Variants in PRH1 observed in about 807,000 individuals in gnomAD.
PRH1 encodes salivary acidic proline-rich phosphoprotein 1/2.
PRH1 carries 7 observed loss-of-function variants against 7.9 expected under a neutral mutation model. The observed-to-expected ratio is 0.89, with a 90% confidence interval of 0.50 to 1.67. PRH1 has a LOEUF of 1.67. PRH1 is among the 40% of genes most tolerant of loss of function. The probability of loss-of-function intolerance (pLI) is 0.00; values close to 1 mark genes in which losing one functional copy is unlikely to be tolerated. For missense variants in PRH1, 109 were observed against 223.6 expected (o/e 0.49, Z 3.27); for synonymous variants, 45 against 80.8 (o/e 0.56, Z 2.38).
intron 1 of PRH1, among the ~76,000 whole-genome samples, chr12:11,140,425 T>C (rs1350007490): frequency 1.3e-5 from 2 of 152,166 alleles, no homozygotes; most frequent in Non-Finnish European, 2.9e-5. Flanking sequence ...CTAATATCAC[T>C]GGTCAAGATT....
intron 2 of PRH1, chr12:10,938,996 AAC>A: frequency 1.9e-6 from 3 of 1,613,554 alleles, no homozygotes; most frequent in South Asian, 1.1e-5. Context: ...AGCTGGGAAA[AAC>A]ACAGACACAC....
intron 1 of PRH1, among the ~76,000 whole-genome samples, chr12:11,038,060 T>C (rs1294595812): frequency 1.3e-5 from 2 of 152,280 alleles, no homozygotes; most frequent in Admixed American, 1.3e-4. Context: ...AAAAGAAAAG[T>C]TTTAAATTTT....
chr12:11,032,862 A>T (rs115296221), intron 1 of PRH1, among the ~76,000 whole-genome samples: 3,966 of 152,234 alleles, frequency 0.026, 167 homozygotes, highest in African/African-American at 0.089. Context: ...ATAAACAGAA[A>T]ATTACTACAG....
intron 1 of PRH1, among the ~76,000 whole-genome samples, chr12:11,057,568 T>C (rs1037144319): frequency 3.3e-5 from 5 of 152,234 alleles, no homozygotes; most frequent in African/African-American, 1.2e-4. Context: ...GGAATGGAAC[T>C]GGTCACTGCC....
intron 3 of PRH1, 146 bp downstream of exon 3, chr12:10,882,071 T>C: frequency 6.8e-7 from 1 of 1,467,380 alleles, no homozygotes; most frequent in Non-Finnish European, 9.1e-7. Flanking sequence ...CTTGATACTC[T>C]ATACAAGAAT....
At chr12:11,100,575 T>C (rs1423146419) in intron 1 of PRH1, among the ~76,000 whole-genome samples, 2 of 152,232 alleles carry the variant, frequency 1.3e-5, no homozygotes, top group Admixed American at 1.3e-4. Context: ...AAGCTGTTTT[T>C]ATTAGCAGAA....
chr12:11,058,614 C>G (rs1943462486), intron 1 of PRH1, among the ~76,000 whole-genome samples: 1 of 152,294 alleles, frequency 6.6e-6, no homozygotes, highest in South Asian at 2.1e-4. Flanking sequence ...GAGGGCTCTA[C>G]AGCAGATATA....
intron 1 of PRH1, among the ~76,000 whole-genome samples, chr12:11,023,530 C>CA (rs1356684358): frequency 1.3e-5 from 2 of 152,166 alleles, no homozygotes; most frequent in Admixed American, 6.5e-5. Flanking sequence ...AGTACCCTCC[C>CA]ACCTCAGGCA....
chr12:11,105,569 A>C lies in PRH1; in HGVS notation n.124-58381T>G, dbSNP rs375296042. ...ACACAACGTCCTTGCTGTAAGATAA[A>C]ATTTTCCATATTGGTGTTGAAGTGA... On this transcript the variant is annotated intron_variant and non_coding_transcript_variant, in intron 1 of 4. Transcript: ENST00000541977. Among the ~76,000 whole-genome samples, 36 of 152,280 alleles carry C rather than the reference A, an allele frequency of 2.4e-4. No homozygotes were observed. The East Asian group carries it at 5.0e-3, about 21-fold the overall frequency.
Position 11,079,307 on chromosome 12 carries a change from G to A in PRH1, n.124-32119C>T, listed in dbSNP as rs149414961. 4.4e-5 allele frequency: 5 copies of A among 114,670 alleles called. 1 individual carries two copies. The highest frequency in any genetic ancestry group is 1.8e-4 in the Admixed American group (2 of 11,296). The allele number at this position is 114,670 out of a possible 1,614,324, so 7.1% of individuals were successfully genotyped here. A position where few individuals can be genotyped will look rare whatever the true frequency, so the allele number is the denominator to read the frequency against. On this transcript the variant is annotated intron_variant and non_coding_transcript_variant, in intron 1 of 4. Coordinates refer to the PRH1 transcript ENST00000541977. ...TAGTAGACTTTACGCAGAGATTTAA[G>A]ACGGCTTCCATACTGGAGTTTCTTG... is the stretch of plus-strand genomic sequence containing the variant.
intron 1 of PRH1, among the ~76,000 whole-genome samples, chr12:10,992,606 T>A (rs1054303896): frequency 2.6e-5 from 4 of 152,028 alleles, no homozygotes; most frequent in African/African-American, 9.7e-5. Flanking sequence ...ACAAACAGGG[T>A]CTTGCTGTCT....
intron 1 of PRH1, among the ~76,000 whole-genome samples, chr12:11,063,399 C>T (rs889854426): frequency 6.6e-6 from 1 of 151,994 alleles, no homozygotes; most frequent in East Asian, 1.9e-4. Flanking sequence ...TATCACCTGG[C>T]TAGTACACTG....
chr12:11,037,346 C>A (rs1192577401), intron 1 of PRH1, among the ~76,000 whole-genome samples: 2 of 152,206 alleles, frequency 1.3e-5, no homozygotes, highest in Non-Finnish European at 2.9e-5. Context: ...ACTCAAAGAT[C>A]ATGCTAAATA....
intron 2 of PRH1, among the ~76,000 whole-genome samples, chr12:10,925,677 T>C (rs536561065): frequency 1.3e-5 from 2 of 152,170 alleles, no homozygotes; most frequent in African/African-American, 4.8e-5. Context: ...TCAGGAAAAA[T>C]ATATTTTTCA....
intron 2 of PRH1, among the ~76,000 whole-genome samples, chr12:10,912,666 T>C (rs1160914685): frequency 3.3e-5 from 5 of 152,064 alleles, no homozygotes; most frequent in Admixed American, 1.3e-4. Flanking sequence ...TTTCAGCATT[T>C]CTCACAAGGT....
At chr12:11,066,366 G>C (rs1315257623) in intron 1 of PRH1, among the ~76,000 whole-genome samples, 1 of 151,944 alleles carries the variant, frequency 6.6e-6, no homozygotes, top group Non-Finnish European at 1.5e-5. Context: ...CTTCTTACTG[G>C]TTAGTTTTAG....
intron 1 of PRH1, among the ~76,000 whole-genome samples, chr12:11,009,910 A>G (rs1020622915): frequency 2.0e-5 from 3 of 151,942 alleles, no homozygotes; most frequent in Non-Finnish European, 2.9e-5. Flanking sequence ...TGTGACTTTG[A>G]ACTCCATCAT....
chr12:11,150,512 C>A (rs1456705976), intron 1 of PRH1, among the ~76,000 whole-genome samples: 2 of 152,056 alleles, frequency 1.3e-5, no homozygotes, highest in Non-Finnish European at 2.9e-5. Flanking sequence ...GAGTTCATGT[C>A]CTCTGTAGGG....
chr12:11,039,031 G>A (rs1942581906), intron 1 of PRH1, among the ~76,000 whole-genome samples: 1 of 152,190 alleles, frequency 6.6e-6, no homozygotes, highest in Non-Finnish European at 1.5e-5. Flanking sequence ...ACAGCATACT[G>A]TAAGGGATAT....
Sources: allele counts gnomAD v4.1 joint callset (sites outside exome capture counted in the v4.1 genomes callset), GRCh38; gene constraint gnomAD v4.1.1; transcripts MANE v1.5; gene names NCBI Gene and HGNC (gene_info 2026-07-23, HGNC 2026-07-21).